The following PC variants were observed in gnomAD, a reference collection of about 807,000 sequenced individuals.
PC encodes the protein pyruvate carboxylase, mitochondrial.
In PC, 46 loss-of-function variants were observed where a neutral mutation model predicts 107.8. The ratio of observed to expected loss-of-function variants is 0.43; its 90% CI spans 0.34 to 0.55. The LOEUF is 0.55. Among genes scored for constraint, PC ranks in the 20% least tolerant of loss-of-function variants. The pLI is 0.04. For synonymous variants in PC, 662 were observed against 684.7 expected (o/e 0.97, Z 0.52); for missense variants, 1,241 against 1,643.1 (o/e 0.76, Z 4.23).
chr11:66,900,488 G>T (rs1947913699), intron 3 of PC, among the ~76,000 whole-genome samples: 1 of 152,000 alleles, frequency 6.6e-6, no homozygotes, highest in Non-Finnish European at 1.5e-5. Context: ...GATTCTTTTG[G>T]TTGTTCTGGT....
rs1355670881 is a variant in PC, at chr11:66,947,329, A to G, written c.-1+5101T>C. ...CTGGGTGCGGTGGCTCATGCCTGTA[A>G]TTCCAGCACTTTGGGAGGCCGAGGC... On this transcript the variant is annotated intron_variant, in intron 3 of 22. Transcript: ENST00000393960. 2.6e-5 allele frequency among the ~76,000 whole-genome samples: 4 copies of G among 151,604 alleles called. No homozygotes were observed. The East Asian group carries it at 7.7e-4, about 29-fold the overall frequency.
chr11:66,872,713 C>T (rs2380756), intron 3 of PC, among the ~76,000 whole-genome samples: 2,357 of 151,566 alleles, frequency 0.016, 36 homozygotes, highest in South Asian at 0.043. Flanking sequence ...CCAGCCTGGG[C>T]GACAGGGCAA....
chr11:66,870,709 G>T lies in PC; in HGVS notation c.751+66C>A. ...GTCCCCAAGGCCAGCCACTGTGACG[G>T]CACCAGGACTGGGCCTCTCAGCTCC... On this transcript the variant is annotated intron_variant, in intron 8 of 22. Transcript: ENST00000393960. The surrounding 1 kb of genome is among the most constrained non-coding windows in gnomAD (Gnocchi z 6.1). The T allele has an allele frequency of 1.4e-6, 2 of 1,457,396 alleles. No homozygotes were observed. Among genetic ancestry groups the T allele is most frequent in the Non-Finnish European group, 1.9e-6 (2 of 1,047,280 alleles). 90.3% of individuals were successfully genotyped at this position (1,457,396 alleles called of 1,614,324 possible).
At chr11:66,854,149 C>A (rs1330830525) in intron 12 of PC, among the ~76,000 whole-genome samples, 1 of 152,244 alleles carries the variant, frequency 6.6e-6, no homozygotes, top group Admixed American at 6.5e-5. Flanking sequence ...CCAGAGGATT[C>A]GACCACGGCC....
At chr11:66,886,060 G>A (rs1344905427) in intron 3 of PC, among the ~76,000 whole-genome samples, 1 of 152,222 alleles carries the variant, frequency 6.6e-6, no homozygotes, top group African/African-American at 2.4e-5. Context: ...GGCAGGCTGA[G>A]TGAGAGGCAG....
In PC at chr11:66,858,096, G is replaced by A; in HGVS notation, c.1369-4713C>T. Reference sequence around the variant, plus strand: ...GGAGCTGGGCACCGGGAGCCTCCGGGGCCCCGTCAATCTGCAGCACCTCAT... The same window carrying A: ...GGAGCTGGGCACCGGGAGCCTCCGGAGCCCCGTCAATCTGCAGCACCTCAT... On this transcript the variant is annotated intron_variant, in intron 12 of 22. Coordinates refer to ENST00000393960, the MANE Select transcript of PC (RefSeq NM_001040716.2). This position sits in a 1 kb window ranked among gnomAD's most constrained non-coding sequence, Gnocchi z 5.9. 6.2e-6 allele frequency: 10 copies of A among 1,609,606 alleles called. No homozygotes were observed. The highest frequency in any genetic ancestry group is 1.1e-5 in the South Asian group (1 of 91,020).
chr11:66,885,332 T>C (rs1252586742), intron 3 of PC, among the ~76,000 whole-genome samples: 2 of 151,648 alleles, frequency 1.3e-5, no homozygotes, highest in Non-Finnish European at 2.9e-5. Flanking sequence ...TACCAAAAAA[T>C]ACAAAAAATT....
chr11:66,916,185 G>T (rs149243147), intron 3 of PC, among the ~76,000 whole-genome samples: 1 of 152,192 alleles, frequency 6.6e-6, no homozygotes, highest in African/African-American at 2.4e-5. Context: ...CTTAGCGTAG[G>T]TCAGGCCAGG....
At chr11:66,953,967 C>T (rs181001536) in intron 2 of PC, among the ~76,000 whole-genome samples, 1 of 152,202 alleles carries the variant, frequency 6.6e-6, no homozygotes, top group East Asian at 1.9e-4. Flanking sequence ...TTAGCAAGGC[C>T]GTCACCACCA....
At position 66,851,027 on chromosome 11, in the gene PC, G is replaced by A. The variant is rs2135802616; in HGVS notation, c.2223+13C>T. On this transcript the variant is annotated intron_variant, in intron 17 of 22. Transcript: ENST00000393960. ...GGGGCAGAGAGGGAGGGACGGACAA[G>A]TGGCCCAGGCACCTTGATGCACAGG... The A allele has an allele frequency of 3.7e-6, 6 of 1,612,322 alleles. No individual in the cohort carries two copies. Among genetic ancestry groups the A allele is most frequent in the Non-Finnish European group, 4.2e-6 (5 of 1,179,930 alleles).
intron 3 of PC, among the ~76,000 whole-genome samples, chr11:66,908,864 T>A (rs562301178): frequency 6.6e-6 from 1 of 152,052 alleles, no homozygotes; most frequent in Non-Finnish European, 1.5e-5. Context: ...TCCTGCACAT[T>A]CCTTCAGGTC....
intron 3 of PC, among the ~76,000 whole-genome samples, chr11:66,887,166 C>G (rs941892621): frequency 6.6e-6 from 1 of 152,158 alleles, no homozygotes; most frequent in Non-Finnish European, 1.5e-5. Flanking sequence ...GTGGGCTCCC[C>G]AGGGAGCCCA....
At chr11:66,863,035 T>C (rs934715822) in intron 12 of PC, among the ~76,000 whole-genome samples, 5 of 152,264 alleles carry the variant, frequency 3.3e-5, no homozygotes, top group Non-Finnish European at 7.4e-5. Flanking sequence ...ATCCACATTT[T>C]CCAGAAATTA....
rs936324964 is a variant in PC at position 66,897,812 on chromosome 11, C to T, written c.1-25653G>A. On this transcript the variant is annotated intron_variant, in intron 3 of 22. Transcript: ENST00000393960. ...CATAACTAACTCATCTTTGTTATGT[C>T]CACTTGGTAGAGATAACTTGCTCCA... is the stretch of plus-strand genomic sequence containing the variant. Among the ~76,000 whole-genome samples, 14 of 152,128 alleles carry T rather than the reference C, an allele frequency of 9.2e-5. 1 individual carries two copies. The highest frequency in any genetic ancestry group is 1.5e-5 in the Non-Finnish European group (1 of 68,026).
At chr11:66,946,739 C>T (rs1028928956) in intron 3 of PC, among the ~76,000 whole-genome samples, 8 of 151,950 alleles carry the variant, frequency 5.3e-5, no homozygotes, top group African/African-American at 7.3e-5. Context: ...CAGTGAGCCA[C>T]GATCGCATCA....
intron 13 of PC, 160 bp downstream of exon 13, chr11:66,853,079 G>A (rs1443657530): frequency 2.5e-6 from 2 of 784,588 alleles, no homozygotes; most frequent in Non-Finnish European, 4.0e-6. Context: ...GTGAATGGCA[G>A]GGTGCAGGAC....
rs1176580877 is a variant in PC, at chr11:66,850,322, G to A, written c.2616C>T (p.Thr872=). Residue 872 remains threonine (T), a synonymous_variant, in exon 19 of 23, where the codon ACC becomes ACT. Transcript: ENST00000393960. ...YENEIPGGQY[T]NLHFQAHSMG... ...TGCTGTGGGCCTGGAAGTGCAGGTT[G>A]GTGTACTGGCCCCCTGGGATCTCAT... 1 of 1,614,124 alleles carries A rather than the reference G, an allele frequency of 6.2e-7. No homozygotes were observed. The highest frequency in any genetic ancestry group is 1.1e-5 in the South Asian group (1 of 91,090).
rs935342934 is a variant in PC at position 66,866,493 on chromosome 11, C to A, written c.1023-144G>T. ...TAGGCTCTGGGCCAGCCTGAACAGC[C>A]GGTTCCTCCCAACCAGTGGCTCCAC... On this transcript the variant is annotated intron_variant, in intron 10 of 22. Transcript: ENST00000393960. The surrounding 1 kb of genome is among the most constrained non-coding windows in gnomAD (Gnocchi z 5.4). 4.6e-6 allele frequency: 3 copies of A among 657,978 alleles called. No individual in the cohort carries two copies. The highest frequency in any genetic ancestry group is 8.0e-6 in the Non-Finnish European group (3 of 375,048). 40.8% of individuals were successfully genotyped at this position (657,978 alleles called of 1,614,324 possible). A position where few individuals can be genotyped will look rare whatever the true frequency, so the allele number is the denominator to read the frequency against.
At chr11:66,924,215 AAAAG>A (rs1027642276) in intron 3 of PC, among the ~76,000 whole-genome samples, 15 of 150,798 alleles carry the variant, frequency 9.9e-5, no homozygotes, top group African/African-American at 1.7e-4. Flanking sequence ...AAAAAAAAAA[AAAAG>A]AAAGAAAGAA....
Sources: allele counts gnomAD v4.1 joint callset (sites outside exome capture counted in the v4.1 genomes callset), GRCh38; gene constraint gnomAD v4.1.1; non-coding constraint Gnocchi (gnomAD v3.1); transcripts MANE v1.5; gene names NCBI Gene and HGNC (gene_info 2026-07-23, HGNC 2026-07-21).